FHIT: variants seen among roughly 807,000 people sequenced by gnomAD.
FHIT encodes fragile histidine triad diadenosine triphosphatase.
In FHIT, 19 loss-of-function variants were observed where a neutral mutation model predicts 17.9. The ratio of observed to expected loss-of-function variants is 1.06; its 90% CI spans 0.74 to 1.56. The LOEUF is 1.56. Among genes scored for constraint, FHIT ranks in the 40% most tolerant of loss-of-function variants. The pLI, the probability that FHIT is intolerant of heterozygous loss-of-function variation, is 0.00. For synonymous variants in FHIT, 81 were observed against 69.7 expected (o/e 1.16, Z -0.81); for missense variants, 248 against 189.2 (o/e 1.31, Z -1.82).
At chr3:60,325,436 T>A (rs1356118987) in intron 5 of FHIT, among the ~76,000 whole-genome samples, 1 of 152,198 alleles carries the variant, frequency 6.6e-6, no homozygotes, top group Non-Finnish European at 1.5e-5. Flanking sequence ...ATAAAATGGC[T>A]TACATACATT....
At chr3:60,151,295 C>T (rs1173867795) in intron 5 of FHIT, among the ~76,000 whole-genome samples, 9 of 152,008 alleles carry the variant, frequency 5.9e-5, no homozygotes, top group Admixed American at 3.9e-4. Context: ...GTTTACATTC[C>T]TGAATATAAT....
rs146517256 is a variant in FHIT at position 60,083,592 on chromosome 3, G to A, written c.104-69440C>T. On this transcript the variant is annotated intron_variant, in intron 5 of 9. Coordinates refer to ENST00000492590, the MANE Select transcript of FHIT (RefSeq NM_002012.4). ...CTTCCAATCCATGAGCATACTGTGC[G>A]GTCTTTGATATTGGGTCCTGACTAG... Among the ~76,000 whole-genome samples, 1,023 of 152,146 alleles carry A rather than the reference G, an allele frequency of 6.7e-3. 5 individuals carry two copies. The highest frequency in any genetic ancestry group is 0.012 in the Admixed American group (182 of 15,276).
At chr3:60,433,436 G>C (rs899641429) in intron 5 of FHIT, among the ~76,000 whole-genome samples, 2 of 152,106 alleles carry the variant, frequency 1.3e-5, no homozygotes, top group Non-Finnish European at 2.9e-5. Flanking sequence ...ATACTCAGAA[G>C]TGGTATTGCT....
chr3:60,316,107 G>C (rs1296229744), intron 5 of FHIT, among the ~76,000 whole-genome samples: 1 of 152,108 alleles, frequency 6.6e-6, no homozygotes, highest in Non-Finnish European at 1.5e-5. Flanking sequence ...CTCTAAAATA[G>C]CATTGTAATA....
At chr3:60,443,734 C>CT (rs1469651551) in intron 5 of FHIT, among the ~76,000 whole-genome samples, 2 of 151,946 alleles carry the variant, frequency 1.3e-5, no homozygotes, top group African/African-American at 2.4e-5. Context: ...CTAAAATTCT[C>CT]TTTTTTTGTT....
intron 8 of FHIT, among the ~76,000 whole-genome samples, chr3:59,881,530 T>A (rs1361992548): frequency 6.6e-6 from 1 of 152,038 alleles, no homozygotes; most frequent in South Asian, 2.1e-4. Flanking sequence ...CTGAGGAAAA[T>A]GCACATACAC....
intron 7 of FHIT, among the ~76,000 whole-genome samples, chr3:59,981,401 T>C (rs1286123953): frequency 6.6e-6 from 1 of 152,164 alleles, no homozygotes; most frequent in Non-Finnish European, 1.5e-5. Context: ...CTTCTGAAAA[T>C]GGGCCATTGC....
intron 3 of FHIT, among the ~76,000 whole-genome samples, chr3:60,988,945 T>C (rs1349357117): frequency 1.4e-5 from 1 of 73,164 alleles, no homozygotes; most frequent in Non-Finnish European, 2.6e-5. Context: ...CATGGCTTTG[T>C]TAAAAAAAAA....
chr3:60,806,111 A>G (rs1701375737), intron 4 of FHIT, among the ~76,000 whole-genome samples: 1 of 152,204 alleles, frequency 6.6e-6, no homozygotes, highest in Admixed American at 6.5e-5. Context: ...AAGTTCAGAA[A>G]ATGGAAACAA....
rs951190750 is a variant in FHIT, at chr3:60,811,037, A to G, written c.-18+10882T>C. ...AAATTACATCATTTCTCAGGGGCTC[A>G]GTTTCCTAATTTATGAAACATGGAC... is the stretch of plus-strand genomic sequence containing the variant. On this transcript the variant is annotated intron_variant, in intron 4 of 9. Coordinates refer to ENST00000492590, the MANE Select transcript of FHIT (RefSeq NM_002012.4). Among the ~76,000 whole-genome samples the G allele has an allele frequency of 3.3e-5, 5 of 152,208 alleles. No individual in the cohort carries two copies. In the South Asian group the frequency reaches 1.0e-3, roughly 32 times the overall value.
At chr3:60,855,681 G>A (rs1043251359) in intron 3 of FHIT, among the ~76,000 whole-genome samples, 7 of 152,082 alleles carry the variant, frequency 4.6e-5, no homozygotes, top group African/African-American at 1.7e-4. Context: ...CATCTTCCAT[G>A]TGTTATGGGC....
At chr3:60,902,452 T>C (rs1553763420) in intron 3 of FHIT, among the ~76,000 whole-genome samples, 1 of 152,178 alleles carries the variant, frequency 6.6e-6, no homozygotes, top group African/African-American at 2.4e-5. Context: ...GGTCATGTGG[T>C]TTATAAAGGG....
intron 4 of FHIT, chr3:60,616,882 T>C (rs1553676128): frequency 6.5e-6 from 1 of 152,870 alleles, no homozygotes; most frequent in Non-Finnish European, 1.5e-5. Flanking sequence ...ATCTCTGGTA[T>C]ATGAGAACTT....
intron 5 of FHIT, among the ~76,000 whole-genome samples, chr3:60,082,683 T>C (rs1316701989): frequency 6.6e-6 from 1 of 152,132 alleles, no homozygotes; most frequent in African/African-American, 2.4e-5. Flanking sequence ...TGGTGTGAAA[T>C]GGTCTCTCAC....
intron 8 of FHIT, among the ~76,000 whole-genome samples, chr3:59,851,278 A>G (rs1428932264): frequency 1.3e-5 from 2 of 152,208 alleles, no homozygotes; most frequent in African/African-American, 4.8e-5. Context: ...ATGGCTCATT[A>G]GCTACTGGTT....
At chr3:60,506,310 C>G (rs2034726948) in intron 5 of FHIT, among the ~76,000 whole-genome samples, 1 of 152,088 alleles carries the variant, frequency 6.6e-6, no homozygotes, top group Non-Finnish European at 1.5e-5. Context: ...TCTGTAGCAA[C>G]AAGTATAAAG....
intron 3 of FHIT, among the ~76,000 whole-genome samples, chr3:61,030,816 G>A (rs1452317915): frequency 2.0e-5 from 3 of 152,134 alleles, no homozygotes; most frequent in Non-Finnish European, 4.4e-5. Flanking sequence ...TGAGCTGCCC[G>A]GGATGGGGGC....
At chr3:60,477,297 G>C (rs1576724674) in intron 5 of FHIT, among the ~76,000 whole-genome samples, 1 of 151,898 alleles carries the variant, frequency 6.6e-6, no homozygotes, top group African/African-American at 2.4e-5. Context: ...AAAATGGCTT[G>C]TACACAAAAT....
At chr3:60,051,575 T>C (rs984372808) in intron 5 of FHIT, among the ~76,000 whole-genome samples, 4 of 152,134 alleles carry the variant, frequency 2.6e-5, no homozygotes, top group African/African-American at 9.7e-5. Context: ...CAGCACTTAA[T>C]AGATTCTACC....
Sources: gnomAD v4.1 joint callset for allele counts (sites outside exome capture counted in the v4.1 genomes callset) on GRCh38, gnomAD v4.1.1 for gene constraint, MANE v1.5 for transcripts, NCBI Gene and HGNC (gene_info 2026-07-23, HGNC 2026-07-21) for gene names.